The following EXOC6B variants were observed in gnomAD, a reference collection of about 807,000 sequenced individuals.
EXOC6B encodes exocyst complex component 6B, also known as SEC15 homolog B.
A neutral mutation model predicts 113.5 loss-of-function variants in EXOC6B; 54 were observed. The observed-to-expected ratio is 0.48, with a 90% CI of 0.38 to 0.60. The LOEUF (loss-of-function observed/expected upper bound fraction) is 0.60. Ranked by LOEUF, EXOC6B falls within the 20% of genes least tolerant of loss-of-function variation. EXOC6B has a pLI of 0.00. For synonymous variants in EXOC6B, 357 were observed against 339.0 expected, an observed-to-expected ratio of 1.05 and a Z score of -0.58; for missense variants, 797 against 977.5, an observed-to-expected ratio of 0.82 and a Z score of 2.46.
chr2:72,601,297 C>T (rs1670425063), intron 6 of EXOC6B, among the ~76,000 whole-genome samples: 2 of 152,208 alleles, frequency 1.3e-5, no homozygotes, highest in East Asian at 3.9e-4. Flanking sequence ...ATTCTCCTGC[C>T]TCAGCCTCCC....
At chr2:72,474,865 T>C (rs1260617980) in intron 17 of EXOC6B, among the ~76,000 whole-genome samples, 4 of 152,216 alleles carry the variant, frequency 2.6e-5, no homozygotes, top group Non-Finnish European at 5.9e-5. Flanking sequence ...GTACATCTAC[T>C]ATAACAGTCA....
chr2:72,600,596 C>T (rs1670363662), intron 6 of EXOC6B, among the ~76,000 whole-genome samples: 1 of 151,828 alleles, frequency 6.6e-6, no homozygotes, highest in East Asian at 1.9e-4. Context: ...TGAAGAAAAT[C>T]CAATGGAAAG....
chr2:72,758,278 G>T (rs1283144136), intron 1 of EXOC6B, among the ~76,000 whole-genome samples: 19 of 151,420 alleles, frequency 1.3e-4, no homozygotes, highest in Admixed American at 1.3e-3. Context: ...GAACCCATAA[G>T]TTAATGTTAT....
chr2:72,468,644 G>C (rs1419894342), intron 17 of EXOC6B, among the ~76,000 whole-genome samples: 2 of 152,084 alleles, frequency 1.3e-5, no homozygotes, highest in Non-Finnish European at 1.5e-5. Flanking sequence ...GGTCCCATAT[G>C]AATCTTACTA....
intron 20 of EXOC6B, among the ~76,000 whole-genome samples, chr2:72,223,549 C>G (rs1205234394): frequency 6.6e-6 from 1 of 152,042 alleles, no homozygotes; most frequent in Non-Finnish European, 1.5e-5. Context: ...TAATCTGTAG[C>G]CTTTGTGTAT....
chr2:72,464,551 T>C (rs993396797), intron 18 of EXOC6B: 1 of 152,282 alleles, frequency 6.6e-6, no homozygotes, highest in African/African-American at 2.4e-5. Flanking sequence ...TGGTGGAAGA[T>C]AACACCACCT....
At chr2:72,537,304 A>G (rs992582988) in intron 8 of EXOC6B, among the ~76,000 whole-genome samples, 1 of 152,122 alleles carries the variant, frequency 6.6e-6, no homozygotes, top group African/African-American at 2.4e-5. Context: ...TAGCTAGAAC[A>G]GTTAAAAACA....
chr2:72,740,687 G>A (rs1279717406), intron 2 of EXOC6B, among the ~76,000 whole-genome samples: 1 of 152,174 alleles, frequency 6.6e-6, no homozygotes, highest in Non-Finnish European at 1.5e-5. Flanking sequence ...TACAATGATA[G>A]CTTTTATCCA....
chr2:72,809,290 A>T (rs1282704866), intron 1 of EXOC6B, among the ~76,000 whole-genome samples: 1 of 152,228 alleles, frequency 6.6e-6, no homozygotes, highest in African/African-American at 2.4e-5. Flanking sequence ...AGATCAACAA[A>T]GTGGATTTTA....
chr2:72,644,638 A>C (rs1673552238), intron 6 of EXOC6B, among the ~76,000 whole-genome samples: 1 of 152,204 alleles, frequency 6.6e-6, no homozygotes, highest in Non-Finnish European at 1.5e-5. Flanking sequence ...AATAGTCAGC[A>C]TTCTTAAAGA....
chr2:72,211,634 G>A (rs760339960), intron 20 of EXOC6B, among the ~76,000 whole-genome samples: 14 of 152,122 alleles, frequency 9.2e-5, no homozygotes, highest in Non-Finnish European at 1.9e-4. Flanking sequence ...TGCATAATGA[G>A]GTTGCTAGAA....
intron 1 of EXOC6B, among the ~76,000 whole-genome samples, chr2:72,765,956 A>G (rs1408951545): frequency 6.6e-6 from 1 of 152,218 alleles, no homozygotes; most frequent in Non-Finnish European, 1.5e-5. Context: ...AATCCTGAAG[A>G]GGAAAGATGG....
chr2:72,699,138 C>T (rs1019853239), intron 6 of EXOC6B, among the ~76,000 whole-genome samples: 7 of 152,182 alleles, frequency 4.6e-5, no homozygotes, highest in African/African-American at 1.7e-4. Flanking sequence ...ACAGATAGCT[C>T]CCTTCTCCAA....
intron 12 of EXOC6B, 43 bp downstream of exon 12, chr2:72,499,858 T>C (rs182927298): frequency 2.7e-4 from 363 of 1,368,396 alleles, no homozygotes; most frequent in Non-Finnish European, 3.5e-4. Context: ...GAGCTGATTA[T>C]AATACCAATC....
At chr2:72,397,055 A>G (rs571571477) in intron 18 of EXOC6B, among the ~76,000 whole-genome samples, 56 of 152,132 alleles carry the variant, frequency 3.7e-4, no homozygotes, top group Non-Finnish European at 5.9e-4. Flanking sequence ...AATAATAATA[A>G]TCCATGGCAA....
At chr2:72,289,377 A>T (rs1004624068) in intron 20 of EXOC6B, among the ~76,000 whole-genome samples, 9 of 152,158 alleles carry the variant, frequency 5.9e-5, no homozygotes, top group Non-Finnish European at 1.2e-4. Flanking sequence ...CAATAAATAG[A>T]ATACTTTCCC....
intron 20 of EXOC6B, among the ~76,000 whole-genome samples, chr2:72,261,858 C>T (rs1404315584): frequency 6.6e-6 from 1 of 152,160 alleles, no homozygotes; most frequent in African/African-American, 2.4e-5. Context: ...TGTACTTTAG[C>T]AGCGTCCTCC....
intron 1 of EXOC6B, among the ~76,000 whole-genome samples, chr2:72,762,978 G>A (rs1682833379): frequency 6.6e-6 from 1 of 151,962 alleles, no homozygotes; most frequent in Non-Finnish European, 1.5e-5. Flanking sequence ...AAAATACATT[G>A]CAATAAGTTA....
At chr2:72,773,038 C>T (rs1229100801) in intron 1 of EXOC6B, among the ~76,000 whole-genome samples, 1 of 150,660 alleles carries the variant, frequency 6.6e-6, no homozygotes, top group Non-Finnish European at 1.5e-5. Flanking sequence ...TATAAAAGAA[C>T]ATGTACAACA....
Sources: allele counts gnomAD v4.1 joint callset (sites outside exome capture counted in the v4.1 genomes callset), GRCh38; gene constraint gnomAD v4.1.1; transcripts MANE v1.5; gene names NCBI Gene and HGNC (gene_info 2026-07-23, HGNC 2026-07-21).